Variants in FRAS1 observed in about 807,000 individuals in gnomAD.
The protein encoded by FRAS1 is extracellular matrix organizing protein FRAS1.
Under a neutral mutation model 435.2 loss-of-function variants are expected in FRAS1, and 290 were observed. That is an observed-to-expected ratio of 0.67 (90% CI 0.61 to 0.73). FRAS1 has a LOEUF of 0.73. Ranked by LOEUF, FRAS1 falls within the 30% of genes least tolerant of loss-of-function variation. The pLI is 0.00. For missense variants in FRAS1, 4,860 were observed against 5,001.5 expected, an observed-to-expected ratio of 0.97 and a Z score of 0.85; for synonymous variants, 1,800 against 1,851.0, an observed-to-expected ratio of 0.97 and a Z score of 0.71.
chr4:78,345,632 T>A (rs564997690), intron 20 of FRAS1, among the ~76,000 whole-genome samples: 1 of 152,156 alleles, frequency 6.6e-6, no homozygotes, highest in Admixed American at 6.5e-5. Context: ...CTTTTCTTAT[T>A]TCTCATCTTG....
intron 36 of FRAS1, among the ~76,000 whole-genome samples, chr4:78,429,510 C>T (rs528722387): frequency 2.6e-5 from 4 of 152,118 alleles, no homozygotes; most frequent in East Asian, 1.9e-4. Context: ...AGTAATAGAG[C>T]GGCGAGAAGA....
chr4:78,217,782 A>T (rs1056436631), intron 2 of FRAS1, among the ~76,000 whole-genome samples: 13 of 141,690 alleles, frequency 9.2e-5, no homozygotes, highest in African/African-American at 3.2e-4. Flanking sequence ...AACCTACAAG[A>T]TATCTCCCCC....
At chr4:78,505,389 A>G (rs1230885129) in intron 61 of FRAS1, among the ~76,000 whole-genome samples, 1 of 151,872 alleles carries the variant, frequency 6.6e-6, no homozygotes, top group Non-Finnish European at 1.5e-5. Context: ...TTGTCTTTTC[A>G]CATAGTCCTA....
intron 27 of FRAS1, 78 bp from the exon 28 acceptor site, chr4:78,383,981 A>C (rs575306552): frequency 1.9e-6 from 2 of 1,075,044 alleles, no homozygotes; most frequent in South Asian, 2.9e-5. Flanking sequence ...ATAACCTGAA[A>C]ATGTTTTTAA....
At chr4:78,277,374 G>A (rs1010585339) in intron 9 of FRAS1, among the ~76,000 whole-genome samples, 1 of 152,164 alleles carries the variant, frequency 6.6e-6, no homozygotes, top group African/African-American at 2.4e-5. Context: ...ACCTCAGTTG[G>A]AAATGCAGAA....
intron 56 of FRAS1, among the ~76,000 whole-genome samples, chr4:78,480,206 C>T (rs2109858196): frequency 6.6e-6 from 1 of 152,246 alleles, no homozygotes; most frequent in Middle Eastern, 3.4e-3. Context: ...ATTAACCATG[C>T]CCACTTCCCC....
At chr4:78,532,746 T>G (rs1030729261) in intron 70 of FRAS1, among the ~76,000 whole-genome samples, 21 of 152,324 alleles carry the variant, frequency 1.4e-4, no homozygotes, top group African/African-American at 5.1e-4. Flanking sequence ...TATTTTTCTG[T>G]GTCTGGCTAA....
chr4:78,452,288 A>G lies in FRAS1; in HGVS notation c.6697A>G (p.Thr2233Ala), dbSNP rs751365137. ...TGCCACTGACCAGGACAGTGGGCCT[A>G]CAGAATTGATCTACAGAATCACCAG... ...LSATDQDSGP[T>A]ELIYRITRQP... Residue 2233 changes from threonine to alanine, a missense_variant, in exon 47 of 74, where the codon ACA (threonine) becomes GCA (alanine). By Grantham distance (58) the Thr-to-Ala change is moderately conservative. Transcript: ENST00000512123. 5 of 1,613,414 alleles carry G rather than the reference A, an allele frequency of 3.1e-6. No homozygotes were observed. The highest frequency in any genetic ancestry group is 1.1e-5 in the South Asian group (1 of 90,886).
intron 45 of FRAS1, 102 bp from the exon 46 acceptor site, chr4:78,451,670 C>A: frequency 1.1e-6 from 1 of 903,124 alleles, no homozygotes; most frequent in Non-Finnish European, 1.6e-6. Flanking sequence ...AAGGTGTGAA[C>A]TGATTCATTG....
At chr4:78,395,097 T>C (rs771376730) in intron 29 of FRAS1, among the ~76,000 whole-genome samples, 1 of 151,972 alleles carries the variant, frequency 6.6e-6, no homozygotes, top group Non-Finnish European at 1.5e-5. Flanking sequence ...GTGGAATCTT[T>C]AGGGTTTTCT....
chr4:78,115,448 C>T (rs1481016999), intron 2 of FRAS1, among the ~76,000 whole-genome samples: 2 of 152,130 alleles, frequency 1.3e-5, no homozygotes, highest in Non-Finnish European at 2.9e-5. Flanking sequence ...GGCTGTGAAT[C>T]CATCTTGTCC....
At position 78,534,485 on chromosome 4, in the gene FRAS1, C is replaced by T. The variant is rs1370865235; in HGVS notation, c.10962C>T (p.Arg3654=). The change falls in exon 71 of 74, where the codon CGC becomes CGT. Residue 3654 remains arginine, a synonymous_variant. Coordinates refer to ENST00000512123, the MANE Select transcript of FRAS1 (RefSeq NM_025074.7). The stretch of plus-strand genomic sequence containing the variant: ...CCATTGCATTCCAGCAGACCAACCG[C>T]CCTGTGCCAGTTGTGTATTCACTTA... ...LIPIAFQQTN[R]PVPVVYSLNT... is the part of the protein sequence containing the mutation. 1 of 1,613,614 alleles carries T rather than the reference C, an allele frequency of 6.2e-7. No homozygotes were observed. The highest frequency in any genetic ancestry group is 1.3e-5 in the African/African-American group (1 of 74,884).
At chr4:78,374,689 A>G (rs901867953) in intron 25 of FRAS1, among the ~76,000 whole-genome samples, 16 of 152,196 alleles carry the variant, frequency 1.1e-4, no homozygotes, top group South Asian at 4.1e-4. Context: ...TGGAGCTTTT[A>G]TGAAACTCAA....
chr4:78,363,797 C>A (rs1731167909), intron 21 of FRAS1, 111 bp from the exon 22 acceptor site: 6 of 1,438,210 alleles, frequency 4.2e-6, no homozygotes, highest in Non-Finnish European at 4.7e-6. Flanking sequence ...GGACTGTAAA[C>A]CAGACTTGCC....
At chr4:78,339,167 C>A (rs1029658721) in intron 20 of FRAS1, among the ~76,000 whole-genome samples, 1 of 152,154 alleles carries the variant, frequency 6.6e-6, no homozygotes, top group Non-Finnish European at 1.5e-5. Flanking sequence ...TAGTGCCCAT[C>A]CCTGAAAGAG....
intron 28 of FRAS1, among the ~76,000 whole-genome samples, chr4:78,385,831 G>A (rs1444152613): frequency 6.6e-6 from 1 of 151,470 alleles, no homozygotes. Flanking sequence ...GTTGCAGTGA[G>A]CTGAGATCGT....
intron 2 of FRAS1, among the ~76,000 whole-genome samples, chr4:78,233,114 G>T (rs1394788579): frequency 6.6e-6 from 1 of 152,216 alleles, no homozygotes; most frequent in Non-Finnish European, 1.5e-5. Context: ...CTGCTTTCAA[G>T]TTTGGAGGTC....
In FRAS1 at chr4:78,540,897, C is replaced by G; in HGVS notation, c.11812C>G (p.Pro3938Ala). The change falls in exon 74 of 74, where the codon CCC becomes GCC. Residue 3938 changes from proline to alanine, a missense_variant. Transcript: ENST00000512123. ...ATGCCAGAAACAGAGGAAGAAGAAG[C>G]CCGCAGAGGACATTTTGGAAGAATA... ...RKCQKQRKKK[P>A]AEDILEEYPL... The G allele has an allele frequency of 1.2e-6, 2 of 1,613,906 alleles. No individual in the cohort carries two copies. Among genetic ancestry groups the G allele is most frequent in the Non-Finnish European group, 1.7e-6 (2 of 1,179,876 alleles).
chr4:78,432,236 C>T (rs1398265465), intron 37 of FRAS1, 121 bp from the exon 38 acceptor site: 1 of 927,748 alleles, frequency 1.1e-6, no homozygotes, highest in African/African-American at 1.7e-5. Flanking sequence ...GTTGGATTAG[C>T]CTGTAACTCC....
Sources: gnomAD v4.1 joint callset for allele counts (sites outside exome capture counted in the v4.1 genomes callset) on GRCh38, gnomAD v4.1.1 for gene constraint, MANE v1.5 for transcripts, NCBI Gene and HGNC (gene_info 2026-07-23, HGNC 2026-07-21) for gene names.